Variants in DOK5 observed in about 807,000 individuals in gnomAD.
DOK5 encodes the protein docking protein 5.
In DOK5, 27 loss-of-function variants were observed where a neutral mutation model predicts 43.3. That is an observed-to-expected ratio of 0.62 (90% CI 0.46 to 0.86). The LOEUF (loss-of-function observed/expected upper bound fraction) is 0.86. Ranked by LOEUF, DOK5 falls within the 40% of genes least tolerant of loss-of-function variation. The probability of loss-of-function intolerance (pLI) is 0.00; values close to 1 mark genes in which losing one functional copy is unlikely to be tolerated. For missense variants in DOK5, 373 were observed against 392.9 expected, an observed-to-expected ratio of 0.95 and a Z score of 0.43; for synonymous variants, 146 against 140.1, an observed-to-expected ratio of 1.04 and a Z score of -0.30.
At chr20:54,492,823 G>T (rs984436616) in intron 1 of DOK5, among the ~76,000 whole-genome samples, 4 of 151,948 alleles carry the variant, frequency 2.6e-5, no homozygotes, top group Admixed American at 6.6e-5. Context: ...GGAGGCCAAG[G>T]GGGGTGGATC....
intron 7 of DOK5, among the ~76,000 whole-genome samples, chr20:54,644,606 T>C (rs35437239): frequency 0.055 from 8,227 of 149,880 alleles, 231 homozygotes; most frequent in Middle Eastern, 0.087. Flanking sequence ...CGCGGGAGGC[T>C]GAGGCAGGAG....
At chr20:54,615,934 A>G (rs1986795289) in intron 6 of DOK5, among the ~76,000 whole-genome samples, 1 of 151,274 alleles carries the variant, frequency 6.6e-6, no homozygotes, top group Non-Finnish European at 1.5e-5. Flanking sequence ...GTTCTCCCCC[A>G]GAACCTCCAG....
intron 5 of DOK5, among the ~76,000 whole-genome samples, chr20:54,597,746 T>TA (rs1299378422): frequency 1.3e-5 from 2 of 152,002 alleles, no homozygotes; most frequent in East Asian, 3.9e-4. Flanking sequence ...AAGCATCTTT[T>TA]ACTTCCAAAC....
chr20:54,613,603 G>A (rs980378991), intron 6 of DOK5, among the ~76,000 whole-genome samples: 2 of 152,060 alleles, frequency 1.3e-5, no homozygotes, highest in East Asian at 3.9e-4. Flanking sequence ...CTAGCTTTTT[G>A]CAAGAAAATG....
chr20:54,539,056 G>A (rs1052768174), intron 1 of DOK5, among the ~76,000 whole-genome samples: 10 of 152,132 alleles, frequency 6.6e-5, no homozygotes, highest in African/African-American at 2.4e-4. Context: ...GCCAAGGCGG[G>A]CAGATCACAA....
intron 6 of DOK5, among the ~76,000 whole-genome samples, chr20:54,639,549 C>T (rs1176527599): frequency 1.3e-5 from 2 of 152,024 alleles, no homozygotes; most frequent in Non-Finnish European, 2.9e-5. Flanking sequence ...AGGGGAAATC[C>T]CCATACTTTA....
chr20:54,489,595 T>A (rs2146666481), intron 1 of DOK5, among the ~76,000 whole-genome samples: 1 of 152,004 alleles, frequency 6.6e-6, no homozygotes, highest in East Asian at 1.9e-4. Context: ...CCTTCCTTCC[T>A]TTTTTTTGTT....
intron 2 of DOK5, among the ~76,000 whole-genome samples, chr20:54,566,651 C>G (rs1052245659): frequency 1.3e-5 from 2 of 152,218 alleles, no homozygotes; most frequent in African/African-American, 4.8e-5. Context: ...GGATCTTGCT[C>G]TGTCACCCAG....
At chr20:54,601,596 T>C (rs73144070) in intron 5 of DOK5, among the ~76,000 whole-genome samples, 1 of 152,350 alleles carries the variant, frequency 6.6e-6, no homozygotes, top group Non-Finnish European at 1.5e-5. Context: ...GTATTAGAAT[T>C]TACATCTAAA....
intron 6 of DOK5, among the ~76,000 whole-genome samples, chr20:54,622,277 G>A (rs1167348512): frequency 6.6e-6 from 1 of 152,134 alleles, no homozygotes; most frequent in East Asian, 1.9e-4. Context: ...ATTTAACAGA[G>A]ACCAAACTGT....
Position 54,555,051 on chromosome 20 carries a change from A to G in DOK5, c.174+11A>G. 1 of 1,563,738 alleles carries G rather than the reference A, an allele frequency of 6.4e-7. No individual in the cohort carries two copies. Among genetic ancestry groups the G allele is most frequent in the Non-Finnish European group, 8.8e-7 (1 of 1,134,088 alleles). ...AGGTGTTATCATAAGGTAAGACTCAATTGCTGTAGCTTTCCAGTAATCTAT... is the reference window on the plus strand; with the variant it reads ...AGGTGTTATCATAAGGTAAGACTCAGTTGCTGTAGCTTTCCAGTAATCTAT... On this transcript the variant is annotated intron_variant, in intron 2 of 7. Coordinates refer to ENST00000262593, the MANE Select transcript of DOK5 (RefSeq NM_018431.5).
chr20:54,544,239 A>G (rs1427003028), intron 1 of DOK5, among the ~76,000 whole-genome samples: 1 of 152,220 alleles, frequency 6.6e-6, no homozygotes, highest in East Asian at 1.9e-4. Flanking sequence ...AATGAAGGGT[A>G]TATATGAATC....
chr20:54,479,999 C>G (rs775229658), intron 1 of DOK5, among the ~76,000 whole-genome samples: 154 of 152,168 alleles, frequency 1.0e-3, no homozygotes, highest in Non-Finnish European at 6.3e-4. Context: ...CGACCCTGGT[C>G]CGAACCCTCC....
At chr20:54,620,761 C>T (rs558658281) in intron 6 of DOK5, among the ~76,000 whole-genome samples, 10 of 152,190 alleles carry the variant, frequency 6.6e-5, no homozygotes, top group South Asian at 2.1e-4. Context: ...CAAATGTTCA[C>T]GGGAGGACTC....
intron 6 of DOK5, among the ~76,000 whole-genome samples, chr20:54,627,074 A>G (rs1378761395): frequency 1.3e-5 from 2 of 152,222 alleles, no homozygotes; most frequent in African/African-American, 4.8e-5. Flanking sequence ...TGGCTGCATG[A>G]TATTTCAGAG....
At chr20:54,485,762 C>T (rs1981908460) in intron 1 of DOK5, among the ~76,000 whole-genome samples, 1 of 152,226 alleles carries the variant, frequency 6.6e-6, no homozygotes, top group Non-Finnish European at 1.5e-5. Context: ...TACCATTTTA[C>T]ATTCACATTA....
intron 1 of DOK5, among the ~76,000 whole-genome samples, chr20:54,496,693 G>A (rs1982407651): frequency 6.6e-6 from 1 of 150,506 alleles, no homozygotes; most frequent in African/African-American, 2.5e-5. Context: ...ATGAACACGG[G>A]AGGTGGAGCT....
intron 6 of DOK5, among the ~76,000 whole-genome samples, chr20:54,631,312 G>C (rs952326099): frequency 1.3e-5 from 2 of 151,818 alleles, no homozygotes; most frequent in Non-Finnish European, 2.9e-5. Flanking sequence ...ACTTGTCGGG[G>C]GGCTGAGGTG....
chr20:54,588,541 A>G lies in DOK5; in HGVS notation c.233A>G (p.His78Arg), dbSNP rs776474093. Residue 78 changes from histidine to arginine, a missense_variant, in exon 3 of 8, where the codon CAT (histidine) becomes CGT (arginine). Physicochemically the swap from His to Arg is conservative, Grantham distance 29. Coordinates refer to ENST00000262593, the MANE Select transcript of DOK5 (RefSeq NM_018431.5). ...CGATTGCCAAAAAGCACCAAGAAAC[A>G]TGCCATAGGGATTTATTTCAATGAC... is the stretch of plus-strand genomic sequence containing the variant. ...VARLPKSTKK[H>R]AIGIYFNDDT... 5.6e-6 allele frequency: 9 copies of G among 1,614,178 alleles called. No homozygotes were observed. Among genetic ancestry groups the G allele is most frequent in the Middle Eastern group, 1.6e-4 (1 of 6,062 alleles).
Sources: allele counts gnomAD v4.1 joint callset (sites outside exome capture counted in the v4.1 genomes callset), GRCh38; gene constraint gnomAD v4.1.1; transcripts MANE v1.5; gene names NCBI Gene and HGNC (gene_info 2026-07-23, HGNC 2026-07-21).